Variants in CLASP2 observed in about 807,000 individuals in gnomAD.
CLASP2 encodes the protein CLIP-associating protein 2.
Under a neutral mutation model 194.4 loss-of-function variants are expected in CLASP2, and 47 were observed. That is an observed-to-expected ratio of 0.24 (90% confidence interval 0.19 to 0.31). The LOEUF (loss-of-function observed/expected upper bound fraction) is 0.31, where lower values mean the gene tolerates loss of function less well. CLASP2 is among the 10% of genes least tolerant of loss of function. CLASP2 has a pLI of 1.00. For missense variants in CLASP2, 1,445 were observed against 1,823.6 expected, an observed-to-expected ratio of 0.79 and a Z score of 3.78; for synonymous variants, 619 against 633.5, an observed-to-expected ratio of 0.98 and a Z score of 0.34.
chr3:33,621,605 T>C (rs985802814), intron 11 of CLASP2, among the ~76,000 whole-genome samples: 11 of 152,216 alleles, frequency 7.2e-5, no homozygotes, highest in African/African-American at 2.7e-4. Context: ...TTAGAAATAT[T>C]GCTAGTAGGC....
At position 33,551,281 on chromosome 3, in the gene CLASP2, T is replaced by C; in HGVS notation, c.3124A>G (p.Thr1042Ala). Reference protein sequence around the residue: ...LAVSRVITWTTEPKSSDVRKA... With the variant: ...LAVSRVITWTAEPKSSDVRKA... ...CGAACATCAGAACTTTTGGGTTCTG[T>C]TGTCCAAGTGATGACCCGAGACACT... is the stretch of plus-strand genomic sequence containing the variant. Residue 1042 changes from threonine (T) to alanine (A), a missense_variant, in exon 30 of 39, where the codon ACA (threonine) becomes GCA (alanine). This residue lies in a region of CLASP2 where 732 missense variants were observed against 987.9 expected (regional missense o/e 0.74). Transcript: ENST00000682230. 6.2e-7 allele frequency: 1 copy of C among 1,613,614 alleles called. No homozygotes were observed. The highest frequency in any genetic ancestry group is 8.5e-7 in the Non-Finnish European group (1 of 1,179,692).
At chr3:33,688,778 A>T (rs2091010439) in intron 3 of CLASP2, among the ~76,000 whole-genome samples, 1 of 152,160 alleles carries the variant, frequency 6.6e-6, no homozygotes, top group South Asian at 2.1e-4. Flanking sequence ...ACTCACATGG[A>T]ACAGGCGCTT....
chr3:33,675,430 C>T (rs1490494955), intron 6 of CLASP2, among the ~76,000 whole-genome samples: 1 of 151,336 alleles, frequency 6.6e-6, no homozygotes, highest in Non-Finnish European at 1.5e-5. Context: ...ATTGATGGGA[C>T]ATATCTCAAA....
chr3:33,597,061 CCAGA>C (rs1401012459), intron 18 of CLASP2, among the ~76,000 whole-genome samples: 3 of 152,112 alleles, frequency 2.0e-5, no homozygotes, highest in Non-Finnish European at 4.4e-5. Flanking sequence ...TGAGTTTTTC[CCAGA>C]CAGTCACATT....
intron 7 of CLASP2, among the ~76,000 whole-genome samples, chr3:33,654,550 A>T (rs910352469): frequency 5.3e-5 from 8 of 152,184 alleles, no homozygotes; most frequent in African/African-American, 1.4e-4. Context: ...AGACTAAACT[A>T]ATAAAGGGGA....
intron 6 of CLASP2, among the ~76,000 whole-genome samples, chr3:33,667,178 G>A (rs998866601): frequency 4.9e-4 from 74 of 151,926 alleles, no homozygotes; most frequent in East Asian, 1.9e-4. Context: ...TTAGGAGGCC[G>A]AGGCAGGCGG....
At chr3:33,698,631 C>CA (rs2092143897) in intron 1 of CLASP2, among the ~76,000 whole-genome samples, 1 of 151,996 alleles carries the variant, frequency 6.6e-6, no homozygotes. Context: ...AACCAAGTGA[C>CA]AAAAAAACTG....
intron 8 of CLASP2, 179 bp downstream of exon 8, chr3:33,644,578 G>A: frequency 1.5e-6 from 1 of 682,766 alleles, no homozygotes; most frequent in Non-Finnish European, 2.6e-6. Flanking sequence ...GGAAATAGCA[G>A]TATACAATAT....
At chr3:33,574,838 T>C (rs953320466) in intron 24 of CLASP2, among the ~76,000 whole-genome samples, 1 of 152,164 alleles carries the variant, frequency 6.6e-6, no homozygotes, top group Non-Finnish European at 1.5e-5. Flanking sequence ...GGAAAGTTTT[T>C]TCCTAAAAAT....
In CLASP2 at chr3:33,497,692, T is replaced by C. The variant is rs1455007569; in HGVS notation, c.*939A>G. On this transcript the variant is annotated 3_prime_UTR_variant, in exon 39 of 39. Coordinates refer to ENST00000682230, the MANE Select transcript of CLASP2 (RefSeq NM_001365631.1). Reference sequence around the variant, plus strand: ...AAAGAAAAGGTGCTGGTCACTCCCATGTCTCGATAATTTGTTTATTACGTG... The same window carrying C: ...AAAGAAAAGGTGCTGGTCACTCCCACGTCTCGATAATTTGTTTATTACGTG... 1 of 152,616 alleles carries C rather than the reference T, an allele frequency of 6.6e-6. No individual in the cohort carries two copies. The highest frequency in any genetic ancestry group is 2.4e-5 in the African/African-American group (1 of 41,444). The allele number at this position is 152,616 out of a possible 1,614,324, so 9.5% of individuals were successfully genotyped here. A position where few individuals can be genotyped will look rare whatever the true frequency, so the allele number is the denominator to read the frequency against.
At chr3:33,531,875 T>G (rs1158798431) in intron 34 of CLASP2, among the ~76,000 whole-genome samples, 1 of 152,130 alleles carries the variant, frequency 6.6e-6, no homozygotes, top group Non-Finnish European at 1.5e-5. Context: ...ATGAAATAAC[T>G]AGTATTGGTG....
At chr3:33,548,961 T>G (rs2059587333) in intron 30 of CLASP2, among the ~76,000 whole-genome samples, 1 of 151,910 alleles carries the variant, frequency 6.6e-6, no homozygotes, top group South Asian at 2.1e-4. Context: ...TTTGCATAGA[T>G]GAGGTCTTGT....
chr3:33,685,450 G>A (rs1435563124), intron 5 of CLASP2, among the ~76,000 whole-genome samples: 1 of 149,216 alleles, frequency 6.7e-6, no homozygotes, highest in Non-Finnish European at 1.5e-5. Context: ...GTATTTTCCT[G>A]TATTAAGACT....
chr3:33,699,869 TA>T (rs1278718339), intron 1 of CLASP2, among the ~76,000 whole-genome samples: 1 of 130,596 alleles, frequency 7.7e-6, no homozygotes, highest in Non-Finnish European at 1.6e-5. Context: ...ATTATTGTAC[TA>T]CCAAAAAAAA....
chr3:33,629,759 G>A (rs1334093693), intron 9 of CLASP2, among the ~76,000 whole-genome samples: 6 of 149,068 alleles, frequency 4.0e-5, no homozygotes, highest in Non-Finnish European at 7.4e-5. Flanking sequence ...TGCAAAATGA[G>A]TATTAAAAAA....
chr3:33,645,476 C>T, intron 7 of CLASP2: 1 of 632,212 alleles, frequency 1.6e-6, no homozygotes, highest in Non-Finnish European at 2.8e-6. Context: ...CTTTCTCTTC[C>T]CTGCCCTAGG....
At chr3:33,600,326 G>A (rs775112155) in intron 18 of CLASP2, among the ~76,000 whole-genome samples, 34 of 152,016 alleles carry the variant, frequency 2.2e-4, no homozygotes, top group Non-Finnish European at 3.2e-4. Flanking sequence ...TTTTTTAATC[G>A]TCAGGTAGGA....
intron 7 of CLASP2, among the ~76,000 whole-genome samples, chr3:33,654,534 A>T (rs755028203): frequency 3.9e-5 from 6 of 152,170 alleles, no homozygotes; most frequent in Non-Finnish European, 7.4e-5. Context: ...ACAATTAGGT[A>T]AGAAAAGACT....
intron 21 of CLASP2, among the ~76,000 whole-genome samples, chr3:33,588,021 G>A (rs2154223005): frequency 6.6e-6 from 1 of 152,232 alleles, no homozygotes; most frequent in East Asian, 1.9e-4. Context: ...CAGAAACAGA[G>A]TAACTTCTCT....
Sources: gnomAD v4.1 joint callset for allele counts (sites outside exome capture counted in the v4.1 genomes callset) on GRCh38, gnomAD v4.1.1 for gene constraint, gnomAD v4.1.1 regional missense constraint, MANE v1.5 for transcripts, NCBI Gene and HGNC (gene_info 2026-07-23, HGNC 2026-07-21) for gene names.